DIAPH2: variants seen among roughly 807,000 people sequenced by gnomAD.
The protein encoded by DIAPH2 is protein diaphanous homolog 2.
In DIAPH2, 35 loss-of-function variants were observed where a neutral mutation model predicts 92.7. The observed-to-expected ratio is 0.38, with a 90% CI of 0.29 to 0.50. The LOEUF (loss-of-function observed/expected upper bound fraction) is 0.50. DIAPH2 is among the 20% of genes least tolerant of loss of function. The pLI is 0.94. For missense variants in DIAPH2, 701 were observed against 819.5 expected, an observed-to-expected ratio of 0.86 and a Z score of 1.77; for synonymous variants, 301 against 280.4, an observed-to-expected ratio of 1.07 and a Z score of -0.73.
At chrX:97,062,970 G>A (rs2066609439) in intron 17 of DIAPH2, among the ~76,000 whole-genome samples, 1 of 104,934 alleles carries the variant, frequency 9.5e-6, no homozygotes, top group Non-Finnish European at 1.9e-5. Context: ...GGAGGCAGGG[G>A]TTGCAGTGAG....
rs549629127 is a variant in DIAPH2 at position 96,807,424 on chromosome X, T to C, written c.447+49166T>C. Among the ~76,000 whole-genome samples, 27 of 111,969 alleles carry C rather than the reference T, an allele frequency of 2.4e-4. No individual in the cohort carries two copies. In the South Asian group the frequency reaches 0.01, roughly 43 times the overall value. ...CCCAAGAAACATGAGGTGAAGACTT[T>C]TGTCAGATGAATACAGAAGCAAGGC... On this transcript the variant is annotated intron_variant, in intron 4 of 26. Transcript: ENST00000324765.
At position 96,901,109 on chromosome X, in the gene DIAPH2, A is replaced by AT. The variant is rs924813520; in HGVS notation, c.588-11210dup. Among the ~76,000 whole-genome samples, 187 of 109,530 alleles carry AT rather than the reference A, an allele frequency of 1.7e-3. 2 individuals are homozygous for AT. The highest frequency in any genetic ancestry group is 5.9e-3 in the African/African-American group (178 of 30,168). On this transcript the variant is annotated intron_variant, in intron 5 of 26. Transcript: ENST00000324765. ...GGTCCTGGAGTTTTTCTTGTTGACA[A>AT]TTTTTTTTTATTACTGATTCTATTT...
intron 22 of DIAPH2, among the ~76,000 whole-genome samples, chrX:97,233,278 G>A (rs1162722899): frequency 8.9e-6 from 1 of 112,593 alleles, no homozygotes; most frequent in Non-Finnish European, 1.9e-5. Context: ...AGGCAGTAGA[G>A]CATGTTGGTT....
chrX:97,253,318 A>AAAATAAAATAAAAG (rs2068206224), intron 23 of DIAPH2, among the ~76,000 whole-genome samples: 1 of 17,221 alleles, frequency 5.8e-5, no homozygotes, highest in Non-Finnish European at 2.4e-4. Flanking sequence ...TAAAATAAAA[A>AAAATAAAATAAAAG]AAGAGGAAAA....
chrX:96,701,760 T>G (rs938291902), intron 1 of DIAPH2: 5 of 111,939 alleles, frequency 4.5e-5, no homozygotes, highest in Middle Eastern at 4.6e-3. Flanking sequence ...GTTTTATGAC[T>G]GAACGTAGGT....
chrX:96,835,035 A>C (rs749160472), intron 4 of DIAPH2, among the ~76,000 whole-genome samples: 1 of 112,052 alleles, frequency 8.9e-6, no homozygotes, highest in African/African-American at 3.2e-5. Context: ...AGTGTGGAGA[A>C]TACAGAAAGA....
At chrX:97,104,322 C>A (rs2066924651) in intron 20 of DIAPH2, among the ~76,000 whole-genome samples, 1 of 110,900 alleles carries the variant, frequency 9.0e-6, no homozygotes, top group Non-Finnish European at 1.9e-5. Flanking sequence ...ATTTAAGCTC[C>A]TTTTTGAAAC....
intron 5 of DIAPH2, among the ~76,000 whole-genome samples, chrX:96,911,969 G>T (rs1479654074): frequency 1.8e-5 from 2 of 111,827 alleles, no homozygotes; most frequent in African/African-American, 6.5e-5. Context: ...AGAATTAAAA[G>T]GGTAGTGATG....
At chrX:97,207,886 G>T (rs1264843052) in intron 22 of DIAPH2, among the ~76,000 whole-genome samples, 2 of 111,651 alleles carry the variant, frequency 1.8e-5, no homozygotes, top group African/African-American at 6.5e-5. Flanking sequence ...AGGTGCAGCA[G>T]CTCGCGCCTA....
At chrX:97,320,480 G>A (rs1206138008) in intron 23 of DIAPH2, among the ~76,000 whole-genome samples, 1 of 111,022 alleles carries the variant, frequency 9.0e-6, no homozygotes, top group African/African-American at 3.3e-5. Flanking sequence ...CTGGGAAGCC[G>A]AGGCGGGCGG....
chrX:97,330,084 T>TG (rs1266572929), intron 23 of DIAPH2, among the ~76,000 whole-genome samples: 1 of 48,094 alleles, frequency 2.1e-5, no homozygotes, highest in Non-Finnish European at 4.1e-5. Context: ...AGATTTGGTG[T>TG]TTGTGTGTGT....
intron 4 of DIAPH2, among the ~76,000 whole-genome samples, chrX:96,832,286 A>T (rs1442495998): frequency 9.0e-6 from 1 of 111,620 alleles, no homozygotes; most frequent in East Asian, 2.8e-4. Context: ...TATTACTTCC[A>T]TAACTAAAAA....
intron 5 of DIAPH2, among the ~76,000 whole-genome samples, chrX:96,902,107 C>T (rs1042314591): frequency 2.7e-5 from 3 of 111,863 alleles, no homozygotes; most frequent in African/African-American, 9.8e-5. Context: ...GTTCCTTTTG[C>T]AGTTGATTTC....
chrX:96,819,099 T>C (rs1379254533), intron 4 of DIAPH2, among the ~76,000 whole-genome samples: 2 of 112,301 alleles, frequency 1.8e-5, no homozygotes, highest in Non-Finnish European at 3.8e-5. Context: ...CACCTCCTGC[T>C]GTGAGGTATG....
At chrX:96,958,948 C>T (rs1279785178) in intron 16 of DIAPH2, among the ~76,000 whole-genome samples, 4 of 111,775 alleles carry the variant, frequency 3.6e-5, no homozygotes, top group Non-Finnish European at 7.5e-5. Flanking sequence ...TCCATTATGT[C>T]TCAATACTAT....
chrX:97,147,177 A>G (rs890422921), intron 22 of DIAPH2, among the ~76,000 whole-genome samples: 4 of 111,336 alleles, frequency 3.6e-5, no homozygotes, highest in Non-Finnish European at 7.5e-5. Context: ...TAAAGTTAAT[A>G]AAATAACATT....
intron 24 of DIAPH2, among the ~76,000 whole-genome samples, chrX:97,363,977 A>G (rs997608580): frequency 2.7e-5 from 3 of 112,076 alleles, no homozygotes; most frequent in African/African-American, 9.7e-5. Flanking sequence ...TGATAAACTA[A>G]TGCAGTACTA....
At chrX:97,140,684 G>A (rs1313152065) in intron 21 of DIAPH2, among the ~76,000 whole-genome samples, 1 of 111,548 alleles carries the variant, frequency 9.0e-6, no homozygotes, top group Non-Finnish European at 1.9e-5. Flanking sequence ...TTTATTAAAT[G>A]CTATGTTTTT....
intron 21 of DIAPH2, among the ~76,000 whole-genome samples, chrX:97,135,556 A>G (rs144221179): frequency 2.4e-3 from 260 of 110,594 alleles, no homozygotes; most frequent in African/African-American, 8.0e-3. Flanking sequence ...AAGGCTTATT[A>G]CTAGTAACTA....
Sources: allele counts gnomAD v4.1 joint callset (sites outside exome capture counted in the v4.1 genomes callset), GRCh38; gene constraint gnomAD v4.1.1; transcripts MANE v1.5; gene names NCBI Gene and HGNC (gene_info 2026-07-23, HGNC 2026-07-21).